Variants in CEMIP observed in about 807,000 individuals in gnomAD.
CEMIP encodes the protein cell migration-inducing and hyaluronan-binding protein.
A neutral mutation model predicts 156.9 loss-of-function variants in CEMIP; 105 were observed. The ratio of observed to expected loss-of-function variants is 0.67; its 90% CI spans 0.57 to 0.79. CEMIP has a LOEUF of 0.79. Ranked by LOEUF, CEMIP falls within the 30% of genes least tolerant of loss-of-function variation. The pLI, the probability that CEMIP is intolerant of heterozygous loss-of-function variation, is 0.00. For missense variants in CEMIP, 1,457 were observed against 1,769.4 expected (o/e 0.82, Z 3.17); for synonymous variants, 676 against 668.4 (o/e 1.01, Z -0.17).
At position 80,889,590 on chromosome 15, in the gene CEMIP, C is replaced by A; in HGVS notation, c.1084C>A (p.Gln362Lys). ...GKICNRPIDI[Q>K]ATTMDGVNLS... is the part of the protein sequence containing the mutation. Reference sequence around the variant, plus strand: ...AATATGCAATCGTCCCATTGATATACAGGTACCAAACTCACAGCAAAAATA... The same window carrying A: ...AATATGCAATCGTCCCATTGATATAAAGGTACCAAACTCACAGCAAAAATA... Residue 362 changes from glutamine to lysine, a missense_variant and splice_region_variant, in exon 10 of 30, where the codon CAG becomes AAG. Gln to Lys is a moderately conservative substitution (Grantham distance 53). Transcript: ENST00000394685. 6.2e-7 allele frequency: 1 copy of A among 1,614,092 alleles called. No homozygotes were observed. The highest frequency in any genetic ancestry group is 8.5e-7 in the Non-Finnish European group (1 of 1,179,958).
intron 7 of CEMIP, among the ~76,000 whole-genome samples, chr15:80,884,650 G>A (rs1227181210): frequency 6.6e-6 from 1 of 152,234 alleles, no homozygotes; most frequent in Non-Finnish European, 1.5e-5. Flanking sequence ...TCTACTGTGT[G>A]TAAGAGCCAT....
chr15:80,929,216 A>G (rs751750767), intron 21 of CEMIP, 42 bp downstream of exon 21: 2 of 1,612,852 alleles, frequency 1.2e-6, no homozygotes. Context: ...GAGTGGCTTA[A>G]CCTAAGTGGC....
rs769772252 is a variant in CEMIP at position 80,936,707 on chromosome 15, C to T, written c.3043C>T (p.Arg1015Ter). The T allele has an allele frequency of 5.6e-6, 9 of 1,613,962 alleles. No homozygotes were observed. The highest frequency in any genetic ancestry group is 1.7e-5 in the Admixed American group (1 of 60,012). Reference protein sequence around the residue: ...YIQAYKTSNLRMKIIKNDFPS... With the variant: ...YIQAYKTSNL ...TCAAGCCTACAAGACCAGTAACCTG[C>T]GAATGAAGATCATCAAGAATGACTT... is the stretch of plus-strand genomic sequence containing the variant. Residue 1015 changes from arginine to a stop codon, truncating the protein, a stop_gained, in exon 24 of 30, where the codon CGA (arginine) becomes TGA (stop). Transcript: ENST00000394685. LOFTEE classifies it high-confidence loss of function.
At chr15:80,903,810 GC>G (rs576235290) in intron 12 of CEMIP, among the ~76,000 whole-genome samples, 1 of 152,284 alleles carries the variant, frequency 6.6e-6, no homozygotes, top group Admixed American at 6.5e-5. Flanking sequence ...GAAAGATTCT[GC>G]CCCCCACACC....
At position 80,825,239 on chromosome 15, in the gene CEMIP, T is replaced by TGTGTGTGTGTGTGTGC. The variant is rs1897005463; in HGVS notation, c.-176+45626_-176+45641dup. ...ATGGGCATTGTACCACTATGAAGTG[T>TGTGTGTGTGTGTGTGC]GTGTGTGTGTGTGTGCATGTGTGCG... On this transcript the variant is annotated intron_variant, in intron 1 of 29. Transcript: ENST00000394685. 5.9e-5 allele frequency among the ~76,000 whole-genome samples: 9 copies of TGTGTGTGTGTGTGTGC among 152,292 alleles called. No homozygotes were observed. The Middle Eastern group carries it at 0.01, about 173-fold the overall frequency.
intron 28 of CEMIP, among the ~76,000 whole-genome samples, chr15:80,945,737 T>C (rs1901525841): frequency 6.6e-6 from 1 of 152,204 alleles, no homozygotes; most frequent in African/African-American, 2.4e-5. Flanking sequence ...GGTTACAGAG[T>C]TCCTTTGAGA....
At chr15:80,926,952 T>C (rs908189583) in intron 19 of CEMIP, among the ~76,000 whole-genome samples, 1 of 151,344 alleles carries the variant, frequency 6.6e-6, no homozygotes, top group African/African-American at 2.4e-5. Flanking sequence ...TGCCTCAGCC[T>C]CCCGAGTAGC....
chr15:80,912,930 C>T (rs1900122520), intron 14 of CEMIP, among the ~76,000 whole-genome samples: 1 of 152,122 alleles, frequency 6.6e-6, no homozygotes, highest in East Asian at 1.9e-4. Context: ...ATGCAGAGGC[C>T]ACTCAGTAGC....
At chr15:80,897,709 T>G (rs944377754) in intron 12 of CEMIP, among the ~76,000 whole-genome samples, 5 of 152,052 alleles carry the variant, frequency 3.3e-5, no homozygotes, top group Non-Finnish European at 7.4e-5. Context: ...TAAACACAAG[T>G]CCAAGTAAAT....
intron 12 of CEMIP, chr15:80,900,868 G>T (rs1211747135): frequency 2.2e-6 from 1 of 450,834 alleles, no homozygotes; most frequent in East Asian, 7.1e-5. Flanking sequence ...TCTTCCCCAG[G>T]CTGGCTGCAG....
In CEMIP at chr15:80,925,607, C is replaced by T; in HGVS notation, c.2289-17C>T. 6.2e-7 allele frequency: 1 copy of T among 1,611,016 alleles called. No individual in the cohort carries two copies. Among genetic ancestry groups the T allele is most frequent in the Non-Finnish European group, 8.5e-7 (1 of 1,179,824 alleles). On this transcript the variant is annotated splice_polypyrimidine_tract_variant and intron_variant, in intron 18 of 29. Coordinates refer to ENST00000394685, the MANE Select transcript of CEMIP (RefSeq NM_001293298.2). The stretch of plus-strand genomic sequence containing the variant: ...CCCAACACCGCCACCTGTGCCCTCC[C>T]CATGGTTGTGCTGCAGATACAGCCC...
chr15:80,910,617 C>T (rs1185355793), intron 14 of CEMIP, among the ~76,000 whole-genome samples: 1 of 152,204 alleles, frequency 6.6e-6, no homozygotes, highest in African/African-American at 2.4e-5. Flanking sequence ...AAGAGATCAT[C>T]GGCTTTGGAG....
At position 80,906,917 on chromosome 15, in the gene CEMIP, G is replaced by A. The variant is rs115865339; in HGVS notation, c.1587+79G>A. ...GTCAGCCTCTAGACGGGCCTTCTTG[G>A]TAGGGATGAGGGTGGGGGAACAGGA... On this transcript the variant is annotated intron_variant, in intron 13 of 29. Coordinates refer to ENST00000394685, the MANE Select transcript of CEMIP (RefSeq NM_001293298.2). This position sits in a 1 kb window ranked among gnomAD's most constrained non-coding sequence, Gnocchi z 4.3. 5,141 of 1,472,992 alleles carry A rather than the reference G, an allele frequency of 3.5e-3. 117 individuals are homozygous for A. In the African/African-American group the frequency reaches 0.053, roughly 15 times the overall value. The allele number at this position is 1,472,992 out of a possible 1,614,324, so 91.2% of individuals were successfully genotyped here. A position where few individuals can be genotyped will look rare whatever the true frequency, so the allele number is the denominator to read the frequency against.
Position 80,895,955 on chromosome 15 carries a change from G to A in CEMIP, c.1306G>A (p.Gly436Arg). 1 of 1,614,148 alleles carries A rather than the reference G, an allele frequency of 6.2e-7. No homozygotes were observed. Among genetic ancestry groups the A allele is most frequent in the Middle Eastern group, 1.6e-4 (1 of 6,062 alleles). Residue 436 changes from glycine (G) to arginine (R), a missense_variant, in exon 12 of 30, where the codon GGA becomes AGA. Transcript: ENST00000394685. ...GGATAATGTACAGTCATGGAAACCT[G>A]GAGATACCCTGGTCATTGCCAGTAC... ...LEDNVQSWKP[G>R]DTLVIASTDY...
At chr15:80,810,078 G>C (rs755203306) in intron 1 of CEMIP, among the ~76,000 whole-genome samples, 1 of 152,014 alleles carries the variant, frequency 6.6e-6, no homozygotes, top group African/African-American at 2.4e-5. Flanking sequence ...CAAGGTATGT[G>C]TGTATACCAG....
chr15:80,893,218 T>G (rs1162960527), intron 10 of CEMIP, among the ~76,000 whole-genome samples: 1 of 151,920 alleles, frequency 6.6e-6, no homozygotes, highest in Non-Finnish European at 1.5e-5. Flanking sequence ...TGAAATGAAA[T>G]AAAATAAAAT....
chr15:80,900,330 G>C (rs1325499022), intron 12 of CEMIP, among the ~76,000 whole-genome samples: 1 of 152,142 alleles, frequency 6.6e-6, no homozygotes, highest in Non-Finnish European at 1.5e-5. Flanking sequence ...GAATGCAGGG[G>C]GGCAGCTCCA....
At chr15:80,781,863 T>A (rs1313867459) in intron 1 of CEMIP, among the ~76,000 whole-genome samples, 1 of 152,238 alleles carries the variant, frequency 6.6e-6, no homozygotes, top group African/African-American at 2.4e-5. Flanking sequence ...ATTACAGGTA[T>A]ATTTTAAAGA....
chr15:80,818,217 C>G (rs549934509), intron 1 of CEMIP, among the ~76,000 whole-genome samples: 242 of 152,316 alleles, frequency 1.6e-3, no homozygotes, highest in Middle Eastern at 3.4e-3. Flanking sequence ...ATGCAAGACC[C>G]CTTGCTGGGG....
Sources: allele counts gnomAD v4.1 joint callset (sites outside exome capture counted in the v4.1 genomes callset), GRCh38; gene constraint gnomAD v4.1.1; non-coding constraint Gnocchi (gnomAD v3.1); transcripts MANE v1.5; gene names NCBI Gene and HGNC (gene_info 2026-07-23, HGNC 2026-07-21).